SLC22A23: variants seen among roughly 807,000 people sequenced by gnomAD.
SLC22A23 encodes solute carrier family 22 member 23.
SLC22A23 carries 26 observed loss-of-function variants against 61.0 expected under a neutral mutation model. The observed-to-expected ratio is 0.43, with a 90% CI of 0.31 to 0.59. The LOEUF (loss-of-function observed/expected upper bound fraction) is 0.59, where lower values mean the gene tolerates loss of function less well. Among genes scored for constraint, SLC22A23 ranks in the 20% least tolerant of loss-of-function variants. The pLI, the probability that SLC22A23 is intolerant of heterozygous loss-of-function variation, is 0.11. For synonymous variants in SLC22A23, 430 were observed against 413.9 expected, an observed-to-expected ratio of 1.04 and a Z score of -0.47; for missense variants, 796 against 934.7, an observed-to-expected ratio of 0.85 and a Z score of 1.94.
chr6:3,293,175 TA>T (rs1175150151), intron 5 of SLC22A23, among the ~76,000 whole-genome samples: 1 of 152,112 alleles, frequency 6.6e-6, no homozygotes, highest in Non-Finnish European at 1.5e-5. Context: ...GCTAGTGCGT[TA>T]GGGGTGAAAT....
At chr6:3,429,793 C>T (rs1770741026) in intron 1 of SLC22A23, among the ~76,000 whole-genome samples, 1 of 152,068 alleles carries the variant, frequency 6.6e-6, no homozygotes, top group African/African-American at 2.4e-5. Context: ...TGAAATAAGC[C>T]ATCACTAAAA....
chr6:3,368,410 T>G (rs190601711), intron 3 of SLC22A23, among the ~76,000 whole-genome samples: 2 of 152,206 alleles, frequency 1.3e-5, no homozygotes, highest in African/African-American at 4.8e-5. Flanking sequence ...CATGTGTGCA[T>G]GTGTGTGTAA....
intron 3 of SLC22A23, among the ~76,000 whole-genome samples, chr6:3,343,334 G>A (rs1446582477): frequency 1.3e-5 from 2 of 152,152 alleles, no homozygotes; most frequent in African/African-American, 4.8e-5. Context: ...GGCCCCAAGA[G>A]GTTAGTTACC....
At position 3,456,167 on chromosome 6, in the gene SLC22A23, G is replaced by A. The variant is rs1772396265; in HGVS notation, c.393C>T (p.Ala131=). The change falls in exon 1 of 10, where the codon GCC becomes GCT. Residue 131 remains alanine (A), a synonymous_variant. Transcript: ENST00000406686. This position sits in a 1 kb window ranked among gnomAD's most constrained non-coding sequence, Gnocchi z 7.1. ...LDQPNFWCRG[A]GKGTELAGVT... The stretch of plus-strand genomic sequence containing the variant: ...CCCCTGCCAGCTCGGTGCCTTTGCC[G>A]GCCCCGCGGCACCAGAAGTTGGGCT... 3 of 1,551,256 alleles carry A rather than the reference G, an allele frequency of 1.9e-6. No homozygotes were observed. The highest frequency in any genetic ancestry group is 2.6e-6 in the Non-Finnish European group (3 of 1,146,858).
intron 3 of SLC22A23, among the ~76,000 whole-genome samples, chr6:3,361,060 C>G (rs1309622683): frequency 2.7e-5 from 4 of 150,516 alleles, no homozygotes; most frequent in African/African-American, 7.4e-5. Flanking sequence ...TTCTACCCAC[C>G]CCCCCCATTT....
chr6:3,417,467 G>A (rs538585791), intron 1 of SLC22A23, among the ~76,000 whole-genome samples: 2 of 152,270 alleles, frequency 1.3e-5, no homozygotes, highest in East Asian at 1.9e-4. Flanking sequence ...GGGCACTGCT[G>A]GTTGCACAGA....
intron 3 of SLC22A23, among the ~76,000 whole-genome samples, chr6:3,398,571 G>A (rs1768170409): frequency 6.6e-6 from 1 of 151,456 alleles, no homozygotes; most frequent in South Asian, 2.1e-4. Context: ...TTCTGTGCAG[G>A]AGATTCAGAG....
chr6:3,280,442 G>A (rs1451464658), intron 9 of SLC22A23, among the ~76,000 whole-genome samples: 1 of 148,740 alleles, frequency 6.7e-6, no homozygotes, highest in Non-Finnish European at 1.5e-5. Context: ...CTGGCTTCCT[G>A]TCTGCTACTC....
chr6:3,355,831 A>C (rs2127439860), intron 3 of SLC22A23, among the ~76,000 whole-genome samples: 1 of 151,058 alleles, frequency 6.6e-6, no homozygotes, highest in Admixed American at 6.6e-5. Context: ...GCTCTCACTC[A>C]TTCCCTGTCT....
chr6:3,440,072 G>A (rs1351283858), intron 1 of SLC22A23, among the ~76,000 whole-genome samples: 2 of 152,160 alleles, frequency 1.3e-5, no homozygotes, highest in African/African-American at 4.8e-5. Flanking sequence ...CACTCAGCTA[G>A]GGTCCAAGGA....
intron 3 of SLC22A23, among the ~76,000 whole-genome samples, chr6:3,326,835 G>T (rs896477547): frequency 6.6e-6 from 1 of 152,248 alleles, no homozygotes; most frequent in African/African-American, 2.4e-5. Flanking sequence ...AGAAAGCAAT[G>T]ATTAAGAAAC....
Position 3,273,161 on chromosome 6 carries a change from A to G in SLC22A23, c.1955T>C (p.Leu652Pro). The stretch of plus-strand genomic sequence containing the variant: ...GTCCTTGAGCTCGGCGTTGGTGAGC[A>G]GCAGTGGCTGCTCCCCCTTCTTGTG... ...LPHKKGEQPL[L>P]LTNAELKDYS... The change falls in exon 10 of 10, where the codon CTG becomes CCG. Residue 652 changes from leucine (L) to proline (P), a missense_variant. Leu to Pro is a moderately conservative substitution (Grantham distance 98). Transcript: ENST00000406686. The G allele has an allele frequency of 2.5e-6, 4 of 1,612,388 alleles. No homozygotes were observed. The highest frequency in any genetic ancestry group is 3.4e-6 in the Non-Finnish European group (4 of 1,179,838).
intron 9 of SLC22A23, among the ~76,000 whole-genome samples, chr6:3,281,223 G>T (rs1759449634): frequency 6.6e-6 from 1 of 152,242 alleles, no homozygotes; most frequent in Non-Finnish European, 1.5e-5. Context: ...AGATAGACTT[G>T]CAAAGTCACC....
At chr6:3,357,949 G>A (rs1441681811) in intron 3 of SLC22A23, among the ~76,000 whole-genome samples, 1 of 152,176 alleles carries the variant, frequency 6.6e-6, no homozygotes, top group African/African-American at 2.4e-5. Flanking sequence ...AAGGAAGTAG[G>A]ACTGTCCTGC....
chr6:3,310,380 T>C (rs191764671), intron 4 of SLC22A23, among the ~76,000 whole-genome samples: 662 of 58,748 alleles, frequency 0.011, 12 homozygotes, highest in South Asian at 0.047. Context: ...GAGCACCCTG[T>C]CTCCCACTCG....
At chr6:3,374,431 A>G (rs1199797171) in intron 3 of SLC22A23, among the ~76,000 whole-genome samples, 2 of 152,210 alleles carry the variant, frequency 1.3e-5, no homozygotes, top group African/African-American at 4.8e-5. Context: ...CTGGAGAGTC[A>G]GAAAGGAAAA....
chr6:3,285,387 T>G (rs948643229), intron 7 of SLC22A23, among the ~76,000 whole-genome samples: 5 of 152,166 alleles, frequency 3.3e-5, no homozygotes, highest in African/African-American at 1.2e-4. Context: ...CCCCAGCAGG[T>G]GCAAAGGGTG....
chr6:3,313,994 A>G (rs746731338), intron 4 of SLC22A23, among the ~76,000 whole-genome samples: 9 of 152,204 alleles, frequency 5.9e-5, no homozygotes, highest in Non-Finnish European at 2.9e-5. Flanking sequence ...GTGCCATTGC[A>G]CTCCAGCCTG....
In SLC22A23 at chr6:3,456,095, G is replaced by A. The variant is rs757876624; in HGVS notation, c.465C>T (p.Leu155=). The change falls in exon 1 of 10, where the codon CTC becomes CTT. Residue 155 remains leucine (L), a synonymous_variant. Transcript: ENST00000406686. The surrounding 1 kb of genome is among the most constrained non-coding windows in gnomAD (Gnocchi z 7.1). ...GGGCAGTGGCGAAGGGGGTGGTGGG[G>A]AGGCTGGTCCAGTTGCCCATGTCCC... ...RGGDMGNWTS[L]PTTPFATAPW... 6 of 1,550,326 alleles carry A rather than the reference G, an allele frequency of 3.9e-6. No individual in the cohort carries two copies. In the African/African-American group the frequency reaches 4.1e-5, roughly 11 times the overall value.
Sources: gnomAD v4.1 joint callset for allele counts (sites outside exome capture counted in the v4.1 genomes callset) on GRCh38, gnomAD v4.1.1 for gene constraint, Gnocchi (gnomAD v3.1) non-coding constraint, MANE v1.5 for transcripts, NCBI Gene and HGNC (gene_info 2026-07-23, HGNC 2026-07-21) for gene names.